The following ACSM2A variants were observed in gnomAD, a reference collection of about 807,000 sequenced individuals.
ACSM2A encodes the protein acyl-CoA synthetase medium chain family member 2A.
Under a neutral mutation model 76.6 loss-of-function variants are expected in ACSM2A, and 72 were observed. The observed-to-expected ratio is 0.94, with a 90% CI of 0.78 to 1.14. ACSM2A has a LOEUF of 1.14. ACSM2A is among the 50% of genes most tolerant of loss of function. The probability of loss-of-function intolerance (pLI) is 0.00; values close to 1 mark genes in which losing one functional copy is unlikely to be tolerated. For synonymous variants in ACSM2A, 249 were observed against 255.9 expected (o/e 0.97, Z 0.26); for missense variants, 684 against 708.5 (o/e 0.97, Z 0.39).
At chr16:20,485,987 G>A (rs769876813) in intron 13 of ACSM2A, among the ~76,000 whole-genome samples, 3 of 152,202 alleles carry the variant, frequency 2.0e-5, no homozygotes, top group Non-Finnish European at 4.4e-5. Context: ...TGAAATTGGA[G>A]AGATTTTATA....
intron 7 of ACSM2A, 85 bp downstream of exon 7, chr16:20,475,526 C>T (rs1596667482): frequency 3.1e-6 from 5 of 1,603,710 alleles, no homozygotes; most frequent in Admixed American, 3.4e-5. Flanking sequence ...CTATCTGAAT[C>T]TCTCGCACAC....
chr16:20,480,919 G>A lies in ACSM2A; in HGVS notation c.1507G>A (p.Glu503Lys), dbSNP rs376973105. Residue 503 changes from glutamate (E) to lysine (K), a missense_variant and splice_region_variant, in exon 12 of 14, where the codon GAG becomes AAG. Glu to Lys is a moderately conservative substitution (Grantham distance 56). This residue lies in a region of ACSM2A where 159 missense variants were observed against 132.5 expected (regional missense o/e 1.20). Transcript: ENST00000573854. ...VISSPDPVRG[E>K]VVKAFVVLAS... ...CAGCAGCCCAGACCCCGTCCGAGGA[G>A]AGGTGATGGGGAAGCAGTAGCCTGG... The A allele has an allele frequency of 6.2e-7, 1 of 1,613,820 alleles. No individual in the cohort carries two copies. Among genetic ancestry groups the A allele is most frequent in the African/African-American group, 1.3e-5 (1 of 74,884 alleles).
At chr16:20,459,890 G>A (rs755652596) in intron 1 of ACSM2A, among the ~76,000 whole-genome samples, 14 of 152,088 alleles carry the variant, frequency 9.2e-5, no homozygotes, top group Non-Finnish European at 1.6e-4. Context: ...TGAAGATGTG[G>A]GATCTAGGAC....
chr16:20,465,501 G>T lies in ACSM2A; in HGVS notation c.178-16G>T, dbSNP rs760174077. 7 of 1,613,358 alleles carry T rather than the reference G, an allele frequency of 4.3e-6. No homozygotes were observed. The highest frequency in any genetic ancestry group is 5.9e-6 in the Non-Finnish European group (7 of 1,179,536). On this transcript the variant is annotated splice_polypyrimidine_tract_variant and intron_variant, in intron 2 of 13. Transcript: ENST00000573854. ...GTACCAATGCCCCCTGATCAACAGG[G>T]CTTCTCTTTCCTCAGGCTGGCAAGC...
chr16:20,479,493 A>T (rs2013964647), intron 10 of ACSM2A, among the ~76,000 whole-genome samples: 1 of 152,184 alleles, frequency 6.6e-6, no homozygotes, highest in African/African-American at 2.4e-5. Flanking sequence ...GCATGATCTT[A>T]GGGAAGTTAC....
At chr16:20,474,271 C>T (rs564075654) in intron 6 of ACSM2A, 6 of 233,660 alleles carry the variant, frequency 2.6e-5, no homozygotes, top group East Asian at 3.0e-4. Flanking sequence ...CCCAGTGTAA[C>T]AGTAGTAAGC....
intron 2 of ACSM2A, 40 bp downstream of exon 2, chr16:20,460,331 G>T (rs757036736): frequency 1.9e-6 from 3 of 1,606,768 alleles, no homozygotes; most frequent in South Asian, 2.2e-5. Context: ...AGACAATTTT[G>T]TTGACTTTTA....
intron 12 of ACSM2A, 164 bp from the exon 13 acceptor site, chr16:20,482,894 C>T: frequency 8.6e-7 from 1 of 1,167,562 alleles, no homozygotes; most frequent in Non-Finnish European, 1.2e-6. Flanking sequence ...AGAGCTGTAA[C>T]CTCATTCATG....
rs113941536 is a variant in ACSM2A, at chr16:20,471,416, C to A, written c.741-120C>A. The A allele has an allele frequency of 1.4e-4, 204 of 1,491,902 alleles. 3 individuals carry two copies. In the African/African-American group the frequency reaches 2.6e-3, roughly 19 times the overall value. 92.4% of individuals were successfully genotyped at this position (1,491,902 alleles called of 1,614,324 possible). A position where few individuals can be genotyped will look rare whatever the true frequency, so the allele number is the denominator to read the frequency against. Reference sequence around the variant, plus strand: ...ACATAGACATATGCCTATAAACCTGCAGGCAGATACACACACACCTCTGCA... The same window carrying A: ...ACATAGACATATGCCTATAAACCTGAAGGCAGATACACACACACCTCTGCA... On this transcript the variant is annotated intron_variant, in intron 5 of 13. Coordinates refer to ENST00000573854, the MANE Select transcript of ACSM2A (RefSeq NM_001308172.2).
chr16:20,467,061 A>G (rs1251316542), intron 3 of ACSM2A, among the ~76,000 whole-genome samples: 1 of 152,200 alleles, frequency 6.6e-6, no homozygotes, highest in African/African-American at 2.4e-5. Flanking sequence ...ATAGCTTGTG[A>G]GGTTGGAAAC....
intron 3 of ACSM2A, among the ~76,000 whole-genome samples, chr16:20,467,241 G>T (rs527699800): frequency 6.6e-6 from 1 of 152,208 alleles, no homozygotes; most frequent in Non-Finnish European, 1.5e-5. Flanking sequence ...TGAACATGTA[G>T]AGGTGGCCAG....
rs760810856 is a variant in ACSM2A at position 20,469,689 on chromosome 16, A to G, written c.566A>G (p.Asp189Gly). 2.5e-6 allele frequency: 4 copies of G among 1,613,792 alleles called. No homozygotes were observed. The highest frequency in any genetic ancestry group is 3.4e-6 in the Non-Finnish European group (4 of 1,179,780). ...IKLLVSEKSC[D>G]GWLNFKKLLN... ...CTACTGGTGTCTGAGAAAAGCTGTGATGGGTGGCTGAACTTCAAGAAACTA... is the reference window on the plus strand; with the variant it reads ...CTACTGGTGTCTGAGAAAAGCTGTGGTGGGTGGCTGAACTTCAAGAAACTA... The change falls in exon 4 of 14, where the codon GAT becomes GGT. Residue 189 changes from aspartate (D) to glycine (G), a missense_variant. Around this residue, in one of 3 missense-constraint regions of ACSM2A, gnomAD observed 519 missense variants for 549.5 expected, o/e 0.94. Transcript: ENST00000573854.
At chr16:20,475,245 C>T in intron 6 of ACSM2A, 117 bp from the exon 7 acceptor site, 1 of 1,570,624 alleles carries the variant, frequency 6.4e-7, no homozygotes, top group African/African-American at 1.3e-5. Flanking sequence ...AGTAAACAAG[C>T]TAGGGTTTTC....
chr16:20,476,587 A>G (rs1262389537), intron 8 of ACSM2A: 14 of 985,380 alleles, frequency 1.4e-5, no homozygotes, highest in Non-Finnish European at 1.7e-5. Context: ...TCAGAGGAGG[A>G]CATGTTTAGG....
At chr16:20,469,767 A>T (rs1326967805) in intron 4 of ACSM2A, 48 bp downstream of exon 4, 9 of 1,611,400 alleles carry the variant, frequency 5.6e-6, no homozygotes, top group Non-Finnish European at 6.8e-6. Flanking sequence ...AACTGGAAAC[A>T]GAGCCAAGCA....
chr16:20,469,799 G>A (rs1162205859), intron 4 of ACSM2A, 80 bp downstream of exon 4: 2 of 1,570,760 alleles, frequency 1.3e-6, no homozygotes, highest in Admixed American at 1.7e-5. Context: ...GTGCTTTATT[G>A]AGGAGGTGCA....
chr16:20,474,378 A>G (rs1293308877), intron 6 of ACSM2A, among the ~76,000 whole-genome samples: 2 of 152,100 alleles, frequency 1.3e-5, no homozygotes, highest in East Asian at 3.9e-4. Context: ...GGTCTGTTAT[A>G]TAAAAAGCCA....
intron 12 of ACSM2A, 152 bp from the exon 13 acceptor site, chr16:20,482,906 C>A: frequency 7.8e-7 from 1 of 1,275,442 alleles, no homozygotes; most frequent in Non-Finnish European, 1.1e-6. Context: ...TCATTCATGT[C>A]CCCAGTTTTC....
intron 1 of ACSM2A, among the ~76,000 whole-genome samples, chr16:20,455,110 AT>A (rs2012060705): frequency 6.9e-6 from 1 of 145,050 alleles, no homozygotes; most frequent in East Asian, 2.3e-4. Context: ...GAAAAAAAAA[AT>A]TTTCAATGAA....
Sources: gnomAD v4.1 joint callset for allele counts (sites outside exome capture counted in the v4.1 genomes callset) on GRCh38, gnomAD v4.1.1 for gene constraint, gnomAD v4.1.1 regional missense constraint, MANE v1.5 for transcripts, NCBI Gene and HGNC (gene_info 2026-07-23, HGNC 2026-07-21) for gene names.